The following DMXL2 variants were observed in gnomAD, a reference collection of about 807,000 sequenced individuals.
DMXL2 encodes the protein dmX-like protein 2.
DMXL2 carries 103 observed loss-of-function variants against 331.1 expected under a neutral mutation model. The ratio of observed to expected loss-of-function variants is 0.31; its 90% CI spans 0.27 to 0.37. The LOEUF is 0.37. Ranked by LOEUF, DMXL2 falls within the 10% of genes least tolerant of loss-of-function variation. DMXL2 has a pLI of 1.00. For synonymous variants in DMXL2, 1,281 were observed against 1,252.1 expected (o/e 1.02, Z -0.49); for missense variants, 3,171 against 3,642.9 (o/e 0.87, Z 3.33).
intron 34 of DMXL2, 49 bp from the exon 35 acceptor site, chr15:51,458,844 T>C: frequency 6.8e-7 from 1 of 1,466,652 alleles, no homozygotes; most frequent in Non-Finnish European, 9.5e-7. Flanking sequence ...CAGCTCTATT[T>C]AGAGTTATGC....
intron 6 of DMXL2, among the ~76,000 whole-genome samples, chr15:51,560,192 C>A (rs1441689557): frequency 6.6e-6 from 1 of 152,024 alleles, no homozygotes; most frequent in Non-Finnish European, 1.5e-5. Flanking sequence ...TTTTCCTAAA[C>A]AAGATTCAAA....
intron 1 of DMXL2, among the ~76,000 whole-genome samples, chr15:51,591,517 T>C (rs2141242942): frequency 6.6e-6 from 1 of 152,260 alleles, no homozygotes; most frequent in East Asian, 1.9e-4. Context: ...AGGGCACAGC[T>C]AAACAAAAGG....
intron 1 of DMXL2, among the ~76,000 whole-genome samples, chr15:51,613,417 T>C (rs2054103958): frequency 6.6e-6 from 1 of 152,212 alleles, no homozygotes; most frequent in Non-Finnish European, 1.5e-5. Flanking sequence ...GTCCCTCCGT[T>C]TAGGGTCCTT....
chr15:51,575,240 T>C (rs890972133), intron 2 of DMXL2, among the ~76,000 whole-genome samples: 2 of 152,182 alleles, frequency 1.3e-5, no homozygotes, highest in African/African-American at 4.8e-5. Context: ...CAGTATAAAT[T>C]TGTATGATTA....
intron 3 of DMXL2, chr15:51,567,669 T>C (rs2050381036): frequency 6.6e-6 from 1 of 152,238 alleles, no homozygotes; most frequent in South Asian, 2.1e-4. Context: ...AATGCCAATG[T>C]GGCCAGAGTA....
At position 51,536,766 on chromosome 15, in the gene DMXL2, T is replaced by C; in HGVS notation, c.1714A>G (p.Lys572Glu). 6.2e-7 allele frequency: 1 copy of C among 1,614,046 alleles called. No individual in the cohort carries two copies. Among genetic ancestry groups the C allele is most frequent in the Non-Finnish European group, 8.5e-7 (1 of 1,180,002 alleles). The change falls in exon 12 of 44, where the codon AAA becomes GAA. Residue 572 changes from lysine (K) to glutamate (E), a missense_variant. Lys to Glu is a moderately conservative substitution (Grantham distance 56, BLOSUM62 1). Transcript: ENST00000560891. ...IMMYACINAT[K>E]DSHHTLLHQE... ...TGTAACAGCGTGTGGTGAGAATCTTTTGTCGCATTTATACAGGCATACATC... is the reference window on the plus strand; with the variant it reads ...TGTAACAGCGTGTGGTGAGAATCTTCTGTCGCATTTATACAGGCATACATC...
chr15:51,449,595 A>C (rs527478099), intron 43 of DMXL2, among the ~76,000 whole-genome samples: 3 of 152,344 alleles, frequency 2.0e-5, no homozygotes, highest in Admixed American at 2.0e-4. Flanking sequence ...AGCAATACGC[A>C]TTCAGCACGC....
At chr15:51,485,236 T>C (rs1254598518) in intron 23 of DMXL2, among the ~76,000 whole-genome samples, 1 of 152,196 alleles carries the variant, frequency 6.6e-6, no homozygotes, top group Non-Finnish European at 1.5e-5. Context: ...GATAGGCATC[T>C]AGGTCCAGGG....
chr15:51,612,144 G>A (rs1038594779), intron 1 of DMXL2, among the ~76,000 whole-genome samples: 2 of 152,114 alleles, frequency 1.3e-5, no homozygotes, highest in Non-Finnish European at 2.9e-5. Context: ...GACACAAAAT[G>A]AAGATACTAG....
chr15:51,570,470 C>G (rs1198415073), intron 2 of DMXL2, among the ~76,000 whole-genome samples: 9 of 152,068 alleles, frequency 5.9e-5, no homozygotes, highest in African/African-American at 2.2e-4. Flanking sequence ...TCGAGAAGAG[C>G]AACCCCAAGA....
At chr15:51,523,842 A>C (rs940342026) in intron 13 of DMXL2, among the ~76,000 whole-genome samples, 2 of 152,272 alleles carry the variant, frequency 1.3e-5, no homozygotes, top group Non-Finnish European at 2.9e-5. Context: ...GCAAAAACTT[A>C]TAGAAGTAAA....
chr15:51,468,408 G>A (rs943785262), intron 29 of DMXL2, among the ~76,000 whole-genome samples: 7 of 152,120 alleles, frequency 4.6e-5, no homozygotes, highest in Non-Finnish European at 8.8e-5. Context: ...TGGATAATCT[G>A]AGTCCCCATG....
At chr15:51,527,769 A>G (rs1385968880) in intron 13 of DMXL2, among the ~76,000 whole-genome samples, 1 of 152,188 alleles carries the variant, frequency 6.6e-6, no homozygotes, top group Non-Finnish European at 1.5e-5. Context: ...CTCACTGGTA[A>G]TAGTAAGTAC....
At chr15:51,531,436 A>G (rs866472172) in intron 13 of DMXL2, among the ~76,000 whole-genome samples, 1 of 152,348 alleles carries the variant, frequency 6.6e-6, no homozygotes, top group African/African-American at 2.4e-5. Flanking sequence ...CTACTACAAG[A>G]TAACATTGGG....
chr15:51,605,167 G>C (rs1004733861), intron 1 of DMXL2, among the ~76,000 whole-genome samples: 2 of 151,830 alleles, frequency 1.3e-5, no homozygotes, highest in Non-Finnish European at 2.9e-5. Context: ...ACCAAAACTC[G>C]ACAAAAACAG....
At chr15:51,553,963 C>T (rs889335175) in intron 6 of DMXL2, among the ~76,000 whole-genome samples, 1 of 152,130 alleles carries the variant, frequency 6.6e-6, no homozygotes, top group African/African-American at 2.4e-5. Context: ...GATCACCTAA[C>T]TGCCATGTTG....
chr15:51,592,759 T>C (rs1354040871), intron 1 of DMXL2, among the ~76,000 whole-genome samples: 1 of 146,664 alleles, frequency 6.8e-6, no homozygotes, highest in African/African-American at 2.5e-5. Context: ...GGGGCCAATA[T>C]TCAACATTCT....
intron 13 of DMXL2, 66 bp from the exon 14 acceptor site, chr15:51,517,233 C>T: frequency 3.3e-6 from 4 of 1,199,304 alleles, no homozygotes; most frequent in Non-Finnish European, 4.9e-6. Context: ...TATGATACAG[C>T]ATCTTGGACA....
intron 6 of DMXL2, among the ~76,000 whole-genome samples, chr15:51,552,812 ATTCAAATTG>A (rs2049304004): frequency 6.6e-6 from 1 of 152,204 alleles, no homozygotes; most frequent in Non-Finnish European, 1.5e-5. Context: ...TGGCTAAAGA[ATTCAAATTG>A]CCAGAGAACT....
Sources: gnomAD v4.1 joint callset for allele counts (sites outside exome capture counted in the v4.1 genomes callset) on GRCh38, gnomAD v4.1.1 for gene constraint, MANE v1.5 for transcripts, NCBI Gene and HGNC (gene_info 2026-07-23, HGNC 2026-07-21) for gene names.